Variants in NDUFA6 observed in about 807,000 individuals in gnomAD.
The protein encoded by NDUFA6 is NADH dehydrogenase [ubiquinone] 1 alpha subcomplex subunit 6.
In NDUFA6, 10 loss-of-function variants were observed where a neutral mutation model predicts 12.5. That is an observed-to-expected ratio of 0.80 (90% CI 0.49 to 1.35). The LOEUF (loss-of-function observed/expected upper bound fraction) is 1.35. Ranked by LOEUF, NDUFA6 falls within the 40% of genes most tolerant of loss-of-function variation. NDUFA6 has a pLI of 0.00. For missense variants in NDUFA6, 177 were observed against 173.5 expected, an observed-to-expected ratio of 1.02 and a Z score of -0.11; for synonymous variants, 66 against 63.0, an observed-to-expected ratio of 1.05 and a Z score of -0.23.
intron 1 of NDUFA6, chr22:42,087,428 C>A (rs1928325022): frequency 2.0e-6 from 1 of 509,002 alleles, no homozygotes; most frequent in South Asian, 2.1e-5. Flanking sequence ...GTTTGAACAA[C>A]CTGGGTTCAA....
chr22:42,088,721 C>CA (rs59094967), intron 1 of NDUFA6, among the ~76,000 whole-genome samples: 2,649 of 71,420 alleles, frequency 0.037, 112 homozygotes, highest in Admixed American at 0.078. Flanking sequence ...GACTCTGTCT[C>CA]AAAAAAAAAA....
intron 1 of NDUFA6, among the ~76,000 whole-genome samples, chr22:42,089,441 C>G (rs1380742998): frequency 6.6e-6 from 1 of 151,972 alleles, no homozygotes; most frequent in African/African-American, 2.4e-5. Flanking sequence ...GCAGATCACT[C>G]AAGTTTCTCC....
rs200509359 is a variant in NDUFA6 at position 42,090,751 on chromosome 22, A to C, written c.-7T>G. ...GGACGCCGCTCCCCGCCATCTTGCC[A>C]AAGCATCCACTCCACAACCCCACCC... On this transcript the variant is annotated 5_prime_UTR_variant, in exon 1 of 3. Transcript: ENST00000498737. 3.4e-5 allele frequency: 55 copies of C among 1,614,156 alleles called. No homozygotes were observed. The Admixed American group carries it at 7.8e-4, about 23-fold the overall frequency.
Position 42,087,135 on chromosome 22 carries a change from C to T in NDUFA6, c.180G>A (p.Arg60=). The change falls in exon 2 of 3, where the codon CGG becomes CGA. Residue 60 remains arginine, a synonymous_variant. Transcript: ENST00000498737. ...TCATAAACATTTCTCGGACTTTATC[C>T]CGTCCCATTTTCACAGTGATGTCCA... is the stretch of plus-strand genomic sequence containing the variant. The part of the protein sequence containing the change: ...FQLDITVKMG[R]DKVREMFMKN... 1 of 1,614,130 alleles carries T rather than the reference C, an allele frequency of 6.2e-7. No individual in the cohort carries two copies. Among genetic ancestry groups the T allele is most frequent in the Non-Finnish European group, 8.5e-7 (1 of 1,179,998 alleles).
intron 1 of NDUFA6, 187 bp from the exon 2 acceptor site, chr22:42,087,362 T>C (rs1928321614): frequency 1.6e-6 from 1 of 609,454 alleles, no homozygotes; most frequent in Non-Finnish European, 2.9e-6. Context: ...GAACTTATTA[T>C]TTGTTTGGGG....
At position 42,086,310 on chromosome 22, in the gene NDUFA6, T is replaced by C. The variant is rs748155152; in HGVS notation, c.260A>G (p.Lys87Arg). The C allele has an allele frequency of 6.2e-7, 1 of 1,614,228 alleles. No individual in the cohort carries two copies. The highest frequency in any genetic ancestry group is 1.1e-5 in the South Asian group (1 of 91,086). Residue 87 changes from lysine to arginine, a missense_variant, in exon 3 of 3, where the codon AAG becomes AGG. Coordinates refer to ENST00000498737, the MANE Select transcript of NDUFA6 (RefSeq NM_002490.6). ...TTTAATTGTTTCTTCCAGTTCGATC[T>C]TTCCCTGAACAGTGAGGAGAGAGGT... ...RVVDLLVIKG[K>R]IELEETIKVW...
chr22:42,085,752 C>A lies in NDUFA6; in HGVS notation c.*431G>T. 1 of 262,054 alleles carries A rather than the reference C, an allele frequency of 3.8e-6. No individual in the cohort carries two copies. Among genetic ancestry groups the A allele is most frequent in the Non-Finnish European group, 7.5e-6 (1 of 133,192 alleles). The allele number at this position is 262,054 out of a possible 1,614,324, so 16.2% of individuals were successfully genotyped here. A position where few individuals can be genotyped will look rare whatever the true frequency, so the allele number is the denominator to read the frequency against. Reference sequence around the variant, plus strand: ...CTTCAGAACCCAAGGAAAACTAGCCCATCTTGACAGCTCTACTTTTGCGCC... The same window carrying A: ...CTTCAGAACCCAAGGAAAACTAGCCAATCTTGACAGCTCTACTTTTGCGCC... On this transcript the variant is annotated 3_prime_UTR_variant, in exon 3 of 3. Transcript: ENST00000498737.
At position 42,090,632 on chromosome 22, in the gene NDUFA6, G is replaced by C; in HGVS notation, c.113C>G (p.Ala38Gly). Residue 38 changes from alanine (A) to glycine (G), a missense_variant, in exon 1 of 3, where the codon GCC becomes GGC. Physicochemically the swap from Ala to Gly is moderately conservative, Grantham distance 60. Around this residue, in one of 3 missense-constraint regions of NDUFA6, gnomAD observed 111 missense variants for 87.2 expected, o/e 1.27. Coordinates refer to ENST00000498737, the MANE Select transcript of NDUFA6 (RefSeq NM_002490.6). ...AKRRVRELYR[A>G]WYREVPNTVH... is the part of the protein sequence containing the mutation. ...AGTGTTCGGCACCTCCCGATACCAGGCGCGGTAGAGCTCGCGCACCCTCCG... is the reference window on the plus strand; with the variant it reads ...AGTGTTCGGCACCTCCCGATACCAGCCGCGGTAGAGCTCGCGCACCCTCCG... 6.2e-7 allele frequency: 1 copy of C among 1,613,970 alleles called. No homozygotes were observed. Among genetic ancestry groups the C allele is most frequent in the Middle Eastern group, 1.6e-4 (1 of 6,062 alleles).
At chr22:42,089,327 A>AACACACACAC (rs59418535) in intron 1 of NDUFA6, among the ~76,000 whole-genome samples, 2,559 of 147,228 alleles carry the variant, frequency 0.017, 56 homozygotes, top group African/African-American at 0.044. Context: ...ACCACCCCGA[A>AACACACACAC]ACACACACAC....
chr22:42,090,291 C>T (rs1459717398), intron 1 of NDUFA6, among the ~76,000 whole-genome samples: 1 of 152,230 alleles, frequency 6.6e-6, no homozygotes, highest in South Asian at 2.1e-4. Context: ...CATCACTTCA[C>T]CTCTCGGTGC....
intron 1 of NDUFA6, among the ~76,000 whole-genome samples, chr22:42,088,507 G>A (rs952760519): frequency 6.6e-6 from 1 of 152,132 alleles, no homozygotes; most frequent in African/African-American, 2.4e-5. Flanking sequence ...ATCACCTGAG[G>A]TCAGGAGTTC....
chr22:42,090,648 G>T lies in NDUFA6; in HGVS notation c.97C>A (p.Arg33Ser). 2 of 1,614,086 alleles carry T rather than the reference G, an allele frequency of 1.2e-6. No homozygotes were observed. Among genetic ancestry groups the T allele is most frequent in the Non-Finnish European group, 1.7e-6 (2 of 1,180,040 alleles). Residue 33 changes from arginine to serine, a missense_variant, in exon 1 of 3, where the codon CGC (arginine) becomes AGC (serine). Transcript: ENST00000498737. ...CGATACCAGGCGCGGTAGAGCTCGC[G>T]CACCCTCCGCTTGGCCTCGTTCATG... ...RDMNEAKRRV[R>S]ELYRAWYREV...
intron 1 of NDUFA6, among the ~76,000 whole-genome samples, chr22:42,087,768 C>CCGCAG (rs1928353546): frequency 1.4e-5 from 2 of 147,736 alleles, no homozygotes; most frequent in African/African-American, 5.0e-5. Flanking sequence ...CACCACTGCA[C>CCGCAG]TCCAGCCTGG....
At position 42,085,952 on chromosome 22, in the gene NDUFA6, C is replaced by A. The variant is rs1232208753; in HGVS notation, c.*231G>T. 3.3e-6 allele frequency: 2 copies of A among 613,754 alleles called. No homozygotes were observed. The highest frequency in any genetic ancestry group is 5.7e-5 in the East Asian group (2 of 35,266). 38.0% of individuals were successfully genotyped at this position (613,754 alleles called of 1,614,324 possible). A position where few individuals can be genotyped will look rare whatever the true frequency, so the allele number is the denominator to read the frequency against. ...AGATGGCCTCCTTCCTTCCTGTTTA[C>A]TGACATGCAAGGCTCTGAGAAAAAT... On this transcript the variant is annotated 3_prime_UTR_variant, in exon 3 of 3. Transcript: ENST00000498737.
intron 1 of NDUFA6, among the ~76,000 whole-genome samples, chr22:42,087,695 G>A (rs892476833): frequency 4.6e-5 from 7 of 151,918 alleles, no homozygotes; most frequent in Non-Finnish European, 1.0e-4. Context: ...CCAGCTACTC[G>A]GGAGGCTGAG....
Position 42,087,179 on chromosome 22 carries a change from G to A in NDUFA6, c.140-4C>T, listed in dbSNP as rs778617735. On this transcript the variant is annotated splice_region_variant and splice_polypyrimidine_tract_variant and intron_variant, in intron 1 of 2. Transcript: ENST00000498737. ...ATGTCCAGCTGGAATTGGTGCACTA[G>A]AGAGAAAAACATGACTCAGGGTAGA... 3 of 1,598,804 alleles carry A rather than the reference G, an allele frequency of 1.9e-6. No homozygotes were observed. The highest frequency in any genetic ancestry group is 2.2e-5 in the South Asian group (2 of 90,752).
rs778852815 is a variant in NDUFA6 at position 42,090,605 on chromosome 22, C to T, written c.139+1G>A. ...TCCCCACGTAAGCCGCTACCTCTCA[C>T]CAGTGTTCGGCACCTCCCGATACCA... On this transcript the variant is annotated splice_donor_variant, in intron 1 of 2. Transcript: ENST00000498737. LOFTEE classifies it high-confidence loss of function. 3 of 1,613,710 alleles carry T rather than the reference C, an allele frequency of 1.9e-6. No individual in the cohort carries two copies. In the South Asian group the frequency reaches 3.3e-5, roughly 18 times the overall value.
At chr22:42,088,281 C>T (rs1242559470) in intron 1 of NDUFA6, among the ~76,000 whole-genome samples, 2 of 151,592 alleles carry the variant, frequency 1.3e-5, no homozygotes, top group East Asian at 3.9e-4. Flanking sequence ...GTGGCGGGCG[C>T]CTGTAGTCCC....
chr22:42,090,649 C>T lies in NDUFA6; in HGVS notation c.96G>A (p.Val32=), dbSNP rs762975175. 1.9e-6 allele frequency: 3 copies of T among 1,614,138 alleles called. No homozygotes were observed. The highest frequency in any genetic ancestry group is 2.5e-6 in the Non-Finnish European group (3 of 1,180,046). Residue 32 remains valine (V), a synonymous_variant, in exon 1 of 3, where the codon GTG becomes GTA. Coordinates refer to ENST00000498737, the MANE Select transcript of NDUFA6 (RefSeq NM_002490.6). ...GATACCAGGCGCGGTAGAGCTCGCG[C>T]ACCCTCCGCTTGGCCTCGTTCATGT... ...SRDMNEAKRR[V]RELYRAWYRE...
Sources: allele counts gnomAD v4.1 joint callset (sites outside exome capture counted in the v4.1 genomes callset), GRCh38; gene constraint gnomAD v4.1.1; regional missense constraint gnomAD v4.1.1; transcripts MANE v1.5; gene names NCBI Gene and HGNC (gene_info 2026-07-23, HGNC 2026-07-21).